SLC39A14: variants seen among roughly 807,000 people sequenced by gnomAD.
The protein encoded by SLC39A14 is solute carrier family 39 member 14.
In SLC39A14, 19 loss-of-function variants were observed where a neutral mutation model predicts 45.5. The observed-to-expected ratio is 0.42, with a 90% CI of 0.29 to 0.61. The LOEUF is 0.61. Ranked by LOEUF, SLC39A14 falls within the 20% of genes least tolerant of loss-of-function variation. SLC39A14 has a pLI of 0.22. For missense variants in SLC39A14, 447 were observed against 616.5 expected (o/e 0.73, Z 2.91); for synonymous variants, 264 against 251.3 (o/e 1.05, Z -0.48).
intron 7 of SLC39A14, 77 bp downstream of exon 7, chr8:22,416,357 C>A: frequency 8.4e-7 from 1 of 1,190,592 alleles, no homozygotes; most frequent in Non-Finnish European, 1.2e-6. Flanking sequence ...CGGTTCCTTG[C>A]TCCCATCTCC....
At chr8:22,387,047 C>T (rs1833830940) in intron 1 of SLC39A14, among the ~76,000 whole-genome samples, 1 of 151,922 alleles carries the variant, frequency 6.6e-6, no homozygotes, top group South Asian at 2.1e-4. Flanking sequence ...GTGGTGTGAA[C>T]GTCTGGTCCT....
intron 1 of SLC39A14, chr8:22,398,205 AC>A (rs1834623332): frequency 6.6e-6 from 1 of 152,104 alleles, no homozygotes; most frequent in Admixed American, 6.5e-5. Flanking sequence ...CTTTGTGTAG[AC>A]CATCAGCCTT....
At position 22,420,033 on chromosome 8, in the gene SLC39A14, A is replaced by T; in HGVS notation, c.*335A>T. On this transcript the variant is annotated 3_prime_UTR_variant, in exon 9 of 9. Coordinates refer to ENST00000381237, the MANE Select transcript of SLC39A14 (RefSeq NM_001128431.4). ...TTGGAACCAGTGCTGAAAGGTTTTG[A>T]ATCCTTTACCCAACAATGCAAAAAT... 1 of 1,035,482 alleles carries T rather than the reference A, an allele frequency of 9.7e-7. No homozygotes were observed. The highest frequency in any genetic ancestry group is 4.4e-5 in the South Asian group (1 of 22,608). The allele number at this position is 1,035,482 out of a possible 1,614,324, so 64.1% of individuals were successfully genotyped here.
At chr8:22,401,184 T>G (rs775505098) in intron 1 of SLC39A14, among the ~76,000 whole-genome samples, 2 of 152,218 alleles carry the variant, frequency 1.3e-5, no homozygotes, top group African/African-American at 2.4e-5. Flanking sequence ...TGACTCCAGT[T>G]AAATAATTCA....
chr8:22,383,579 G>A (rs914698161), intron 1 of SLC39A14, among the ~76,000 whole-genome samples: 21 of 152,122 alleles, frequency 1.4e-4, no homozygotes, highest in African/African-American at 4.8e-4. Context: ...GGGACTGGGC[G>A]CTTGTTTTCT....
intron 4 of SLC39A14, among the ~76,000 whole-genome samples, chr8:22,414,538 C>T (rs1835761923): frequency 6.6e-6 from 1 of 152,158 alleles, no homozygotes; most frequent in Admixed American, 6.5e-5. Flanking sequence ...TAAAATTCTA[C>T]AGATGATCAG....
chr8:22,402,791 G>T (rs1834957796), intron 1 of SLC39A14, among the ~76,000 whole-genome samples: 1 of 149,610 alleles, frequency 6.7e-6, no homozygotes, highest in Non-Finnish European at 1.5e-5. Flanking sequence ...AAAAAATGTT[G>T]CTATTTTAAT....
intron 1 of SLC39A14, among the ~76,000 whole-genome samples, chr8:22,371,223 G>A (rs971354060): frequency 6.6e-6 from 1 of 152,230 alleles, no homozygotes; most frequent in East Asian, 1.9e-4. Flanking sequence ...AGATCGGACT[G>A]TTGTTAGAAC....
At chr8:22,381,528 C>T (rs569447641) in intron 1 of SLC39A14, among the ~76,000 whole-genome samples, 7 of 152,362 alleles carry the variant, frequency 4.6e-5, no homozygotes, top group African/African-American at 1.2e-4. Flanking sequence ...CCTCGGCCTC[C>T]CAAAGTTCTG....
chr8:22,394,351 A>G (rs1347502133), intron 1 of SLC39A14, among the ~76,000 whole-genome samples: 14 of 134,174 alleles, frequency 1.0e-4, no homozygotes, highest in Admixed American at 9.2e-4. Flanking sequence ...TTGAGTTGGA[A>G]TCTCGCTCTG....
rs1052573574 is a variant in SLC39A14, at chr8:22,367,844, C to G, written c.-16+436C>G. ...TCCCCGGGCCCCCGCCGGTCCATCT[C>G]CCCTCTGAAGGTACATGTACCCAAT... On this transcript the variant is annotated intron_variant, in intron 1 of 8. Transcript: ENST00000381237. The surrounding 1 kb of genome is among the most constrained non-coding windows in gnomAD (Gnocchi z 4.2). 3 of 153,336 alleles carry G rather than the reference C, an allele frequency of 2.0e-5. No homozygotes were observed. The highest frequency in any genetic ancestry group is 7.2e-5 in the African/African-American group (3 of 41,494). 9.5% of individuals were successfully genotyped at this position (153,336 alleles called of 1,614,324 possible).
chr8:22,403,208 C>T (rs1281710485), intron 1 of SLC39A14, among the ~76,000 whole-genome samples: 3 of 152,138 alleles, frequency 2.0e-5, no homozygotes, highest in Non-Finnish European at 2.9e-5. Context: ...GATCTCCTGA[C>T]CTCGTGACCT....
At chr8:22,424,079 C>T (rs1241409963), downstream of SLC39A14, among the ~76,000 whole-genome samples, 1 of 152,092 alleles carries the variant, frequency 6.6e-6, no homozygotes, top group Non-Finnish European at 1.5e-5. Flanking sequence ...GATCACCAAG[C>T]CTGGCCAAAA....
chr8:22,375,792 C>T (rs1833185819), intron 1 of SLC39A14, among the ~76,000 whole-genome samples: 1 of 151,996 alleles, frequency 6.6e-6, no homozygotes, highest in Non-Finnish European at 1.5e-5. Context: ...CCAGCCATGG[C>T]TGTATCTTAG....
chr8:22,399,790 C>T (rs953747570), intron 1 of SLC39A14, among the ~76,000 whole-genome samples: 3 of 152,258 alleles, frequency 2.0e-5, no homozygotes, highest in Non-Finnish European at 4.4e-5. Flanking sequence ...CGTAGATGCT[C>T]ACCTCTAGGT....
rs907776534 is a variant in SLC39A14 at position 22,429,631 on chromosome 8, G to A, written c.1333-4260G>A. On this transcript the variant is annotated intron_variant, in intron 8 of 8. Coordinates refer to the SLC39A14 transcript ENST00000240095. ...CATTTATAATTGGGAGCAGCATGGGGATGGGAGGTAGACGAGAAGGGAATG... is the reference window on the plus strand; with the variant it reads ...CATTTATAATTGGGAGCAGCATGGGAATGGGAGGTAGACGAGAAGGGAATG... 4.6e-5 allele frequency among the ~76,000 whole-genome samples: 7 copies of A among 152,332 alleles called. No homozygotes were observed. The South Asian group carries it at 1.0e-3, about 23-fold the overall frequency.
chr8:22,370,526 C>T (rs1226736163), intron 1 of SLC39A14, among the ~76,000 whole-genome samples: 1 of 152,170 alleles, frequency 6.6e-6, no homozygotes, highest in African/African-American at 2.4e-5. Context: ...CTTTATTTTA[C>T]AGTGAAAGAA....
At chr8:22,397,510 G>A (rs1466517431) in intron 1 of SLC39A14, among the ~76,000 whole-genome samples, 1 of 152,042 alleles carries the variant, frequency 6.6e-6, no homozygotes, top group Non-Finnish European at 1.5e-5. Flanking sequence ...CCCGGGAGGC[G>A]GAGCTTGCAG....
chr8:22,380,161 C>A (rs1315271480), intron 1 of SLC39A14, among the ~76,000 whole-genome samples: 5 of 152,040 alleles, frequency 3.3e-5, no homozygotes, highest in African/African-American at 1.2e-4. Flanking sequence ...ATTTTGGTAT[C>A]CTGGAGGCGG....
Sources: gnomAD v4.1 joint callset for allele counts (sites outside exome capture counted in the v4.1 genomes callset) on GRCh38, gnomAD v4.1.1 for gene constraint, Gnocchi (gnomAD v3.1) non-coding constraint, MANE v1.5 for transcripts, NCBI Gene and HGNC (gene_info 2026-07-23, HGNC 2026-07-21) for gene names.